Variants in PTPN5 observed in about 807,000 individuals in gnomAD.
PTPN5 encodes protein tyrosine phosphatase non-receptor type 5, also known as tyrosine-protein phosphatase non-receptor type 5.
PTPN5 carries 29 observed loss-of-function variants against 73.9 expected under a neutral mutation model. That is an observed-to-expected ratio of 0.39 (90% CI 0.29 to 0.54). The LOEUF (loss-of-function observed/expected upper bound fraction) is 0.54. Among genes scored for constraint, PTPN5 ranks in the 20% least tolerant of loss-of-function variants. The probability of loss-of-function intolerance (pLI) is 0.65; values close to 1 mark genes in which losing one functional copy is unlikely to be tolerated. For synonymous variants in PTPN5, 267 were observed against 304.7 expected, an observed-to-expected ratio of 0.88 and a Z score of 1.29; for missense variants, 652 against 751.4, an observed-to-expected ratio of 0.87 and a Z score of 1.55.
At chr11:18,778,215 G>C (rs1851261320) in intron 1 of PTPN5, among the ~76,000 whole-genome samples, 2 of 152,160 alleles carry the variant, frequency 1.3e-5, no homozygotes, top group Non-Finnish European at 2.9e-5. Context: ...ATACTGTTGT[G>C]AGGAGTAAAC....
chr11:18,751,562 G>A (rs1849888506), intron 3 of PTPN5, among the ~76,000 whole-genome samples: 1 of 152,162 alleles, frequency 6.6e-6, no homozygotes, highest in Admixed American at 6.5e-5. Context: ...ACGCAAGGAG[G>A]AGGTAGGAAG....
At chr11:18,754,873 C>G (rs1282395348) in intron 3 of PTPN5, among the ~76,000 whole-genome samples, 1 of 151,748 alleles carries the variant, frequency 6.6e-6, no homozygotes, top group Non-Finnish European at 1.5e-5. Flanking sequence ...TACAAGGATT[C>G]AACTTTTAAG....
chr11:18,788,179 T>C (rs1851755028), intron 1 of PTPN5, among the ~76,000 whole-genome samples: 1 of 152,184 alleles, frequency 6.6e-6, no homozygotes, highest in Non-Finnish European at 1.5e-5. Flanking sequence ...CTAACCATTC[T>C]TACAACCACC....
intron 3 of PTPN5, among the ~76,000 whole-genome samples, chr11:18,755,841 T>A (rs1850107289): frequency 6.6e-6 from 1 of 151,750 alleles, no homozygotes; most frequent in South Asian, 2.1e-4. Context: ...CTGTCTCTAC[T>A]AAAAATACAA....
rs1849429159 is a variant in PTPN5, at chr11:18,742,767, T to C, written c.483+225A>G. 6.6e-6 allele frequency among the ~76,000 whole-genome samples: 1 copy of C among 152,108 alleles called. No individual in the cohort carries two copies. Among genetic ancestry groups the C allele is most frequent in the South Asian group, 2.1e-4 (1 of 4,826 alleles). ...TGGGGCTTGGGAGTTCCTACACCAG[T>C]CTTCTCCCTGTCTCATCCCCTTTCC... On this transcript the variant is annotated intron_variant, in intron 6 of 14. Coordinates refer to ENST00000358540, the MANE Select transcript of PTPN5 (RefSeq NM_006906.2). The surrounding 1 kb of genome is among the most constrained non-coding windows in gnomAD (Gnocchi z 4.1).
At chr11:18,732,818 T>C in intron 11 of PTPN5, 116 bp from the exon 12 acceptor site, 1 of 816,034 alleles carries the variant, frequency 1.2e-6, no homozygotes, top group Non-Finnish European at 2.0e-6. Context: ...TGCTACAGAG[T>C]GTTGGGTTCA....
At chr11:18,777,547 G>A (rs1183716455) in intron 1 of PTPN5, among the ~76,000 whole-genome samples, 4 of 152,178 alleles carry the variant, frequency 2.6e-5, no homozygotes, top group South Asian at 2.1e-4. Context: ...TGAATCTTGC[G>A]GAGTGCTGGT....
intron 1 of PTPN5, among the ~76,000 whole-genome samples, chr11:18,775,198 C>T (rs1590604734): frequency 6.6e-6 from 1 of 152,244 alleles, no homozygotes; most frequent in African/African-American, 2.4e-5. Context: ...TCCCCCATTG[C>T]CCACATTCCT....
In PTPN5 at chr11:18,740,663, G is replaced by A; in HGVS notation, c.855C>T (p.Leu285=). The A allele has an allele frequency of 6.2e-7, 1 of 1,603,922 alleles. No homozygotes were observed. The highest frequency in any genetic ancestry group is 8.5e-7 in the Non-Finnish European group (1 of 1,175,092). The change falls in exon 8 of 15, where the codon CTC becomes CTT. Residue 285 remains leucine (L), a synonymous_variant. Coordinates refer to ENST00000358540, the MANE Select transcript of PTPN5 (RefSeq NM_006906.2). ...REYLLSASRV[L]QAEELHEKAL... is the part of the protein sequence containing the mutation. ...CCTTTTCATGAAGCTCTTCTGCTTGGAGGACACGGGAGGCGCTGAGCAGGT... is the reference window on the plus strand; with the variant it reads ...CCTTTTCATGAAGCTCTTCTGCTTGAAGGACACGGGAGGCGCTGAGCAGGT...
At chr11:18,753,727 C>T (rs928761706) in intron 3 of PTPN5, among the ~76,000 whole-genome samples, 2 of 152,158 alleles carry the variant, frequency 1.3e-5, no homozygotes, top group African/African-American at 2.4e-5. Context: ...AGTGTTCTCT[C>T]CTGTGCTATG....
chr11:18,764,027 G>A (rs191818528), intron 3 of PTPN5, among the ~76,000 whole-genome samples: 1 of 152,286 alleles, frequency 6.6e-6, no homozygotes, highest in African/African-American at 2.4e-5. Flanking sequence ...TGATTGTAGA[G>A]TCATCTCCGA....
intron 7 of PTPN5, 49 bp from the exon 8 acceptor site, chr11:18,740,841 G>C (rs1327246280): frequency 7.6e-7 from 1 of 1,316,176 alleles, no homozygotes; most frequent in South Asian, 1.8e-5. Flanking sequence ...AGAGGGACGG[G>C]CATGAGCTGG....
intron 7 of PTPN5, 144 bp from the exon 8 acceptor site, chr11:18,740,936 G>C: frequency 2.2e-6 from 1 of 460,938 alleles, no homozygotes; most frequent in Non-Finnish European, 3.8e-6. Flanking sequence ...AGTGTGACAA[G>C]ACCCCCTGAC....
At chr11:18,788,015 ACTC>A (rs1160543737) in intron 1 of PTPN5, among the ~76,000 whole-genome samples, 1 of 151,176 alleles carries the variant, frequency 6.6e-6, no homozygotes, top group Non-Finnish European at 1.5e-5. Context: ...TAAGCCTCCC[ACTC>A]CTCCTCCTAT....
At chr11:18,772,123 T>C (rs1220468672) in intron 1 of PTPN5, 52 bp from the exon 2 acceptor site, 2 of 556,402 alleles carry the variant, frequency 3.6e-6, no homozygotes, top group Non-Finnish European at 6.2e-6. Context: ...GGTCACACAG[T>C]GTGCCAACAA....
intron 3 of PTPN5, among the ~76,000 whole-genome samples, chr11:18,751,254 A>G (rs752540627): frequency 4.6e-5 from 7 of 152,178 alleles, no homozygotes; most frequent in Non-Finnish European, 1.0e-4. Flanking sequence ...TAGAGGATAT[A>G]TGGTGCTGAA....
intron 3 of PTPN5, among the ~76,000 whole-genome samples, chr11:18,757,103 T>C (rs1307317700): frequency 6.6e-6 from 1 of 152,150 alleles, no homozygotes; most frequent in Admixed American, 6.5e-5. Context: ...TCCAAATTCA[T>C]TCACATCCAG....
At chr11:18,739,930 T>C (rs888238363) in intron 8 of PTPN5, among the ~76,000 whole-genome samples, 3 of 152,158 alleles carry the variant, frequency 2.0e-5, no homozygotes, top group Admixed American at 2.0e-4. Context: ...GGAAAGTGCA[T>C]GTAATTCTGG....
intron 8 of PTPN5, among the ~76,000 whole-genome samples, chr11:18,739,703 T>C (rs1292418231): frequency 6.6e-6 from 1 of 152,234 alleles, no homozygotes; most frequent in Admixed American, 6.5e-5. Flanking sequence ...CTGTGGCTTC[T>C]ACCAGGAGGA....
Sources: allele counts gnomAD v4.1 joint callset (sites outside exome capture counted in the v4.1 genomes callset), GRCh38; gene constraint gnomAD v4.1.1; non-coding constraint Gnocchi (gnomAD v3.1); transcripts MANE v1.5; gene names NCBI Gene and HGNC (gene_info 2026-07-23, HGNC 2026-07-21).